The following RIN2 variants were observed in gnomAD, a reference collection of about 807,000 sequenced individuals.
The protein encoded by RIN2 is RAB5 interacting protein 2.
RIN2 carries 36 observed loss-of-function variants against 78.0 expected under a neutral mutation model. The ratio of observed to expected loss-of-function variants is 0.46; its 90% CI spans 0.35 to 0.61. The LOEUF (loss-of-function observed/expected upper bound fraction) is 0.61. RIN2 is among the 20% of genes least tolerant of loss of function. The pLI, the probability that RIN2 is intolerant of heterozygous loss-of-function variation, is 0.00. For synonymous variants in RIN2, 466 were observed against 466.8 expected, an observed-to-expected ratio of 1.00 and a Z score of 0.02; for missense variants, 1,087 against 1,159.7, an observed-to-expected ratio of 0.94 and a Z score of 0.91.
chr20:19,850,981 A>G (rs2036940293), intron 2 of RIN2, among the ~76,000 whole-genome samples: 1 of 145,336 alleles, frequency 6.9e-6, no homozygotes, highest in Non-Finnish European at 1.5e-5. Flanking sequence ...TCAAAAAAAG[A>G]AAGGGAGAAA....
chr20:19,911,299 C>A (rs981304815), intron 3 of RIN2, among the ~76,000 whole-genome samples: 1 of 151,376 alleles, frequency 6.6e-6, no homozygotes, highest in Non-Finnish European at 1.5e-5. Context: ...ATGATCTGTG[C>A]GCCTTGGCCT....
chr20:19,831,679 G>A (rs1413178366), intron 2 of RIN2, among the ~76,000 whole-genome samples: 3 of 152,168 alleles, frequency 2.0e-5, no homozygotes, highest in Admixed American at 6.5e-5. Flanking sequence ...TGAACCCATC[G>A]TTTATTTAGC....
chr20:19,806,813 G>T (rs2035423352), intron 2 of RIN2, among the ~76,000 whole-genome samples: 1 of 152,230 alleles, frequency 6.6e-6, no homozygotes, highest in African/African-American at 2.4e-5. Flanking sequence ...TGGGAGGATT[G>T]CTTGAGTCCA....
At chr20:19,942,118 A>AAAAAAG (rs61328325) in intron 4 of RIN2, among the ~76,000 whole-genome samples, 1 of 143,002 alleles carries the variant, frequency 7.0e-6, no homozygotes, top group Non-Finnish European at 1.5e-5. Flanking sequence ...TCAAAAAAAA[A>AAAAAAG]AAAAGAAAGA....
At chr20:19,841,446 A>G (rs2036573568) in intron 2 of RIN2, among the ~76,000 whole-genome samples, 1 of 152,134 alleles carries the variant, frequency 6.6e-6, no homozygotes, top group African/African-American at 2.4e-5. Context: ...AGCTTATGGA[A>G]TTAAAAAGGC....
At chr20:19,886,612 C>CTTT (rs11362637) in intron 2 of RIN2, 733 of 520,596 alleles carry the variant, frequency 1.4e-3, no homozygotes, top group South Asian at 3.3e-3. Context: ...TCTTCTTCTT[C>CTTT]TTTTTTTTTT....
intron 3 of RIN2, among the ~76,000 whole-genome samples, chr20:19,893,571 G>T (rs774426882): frequency 6.6e-6 from 1 of 152,158 alleles, no homozygotes; most frequent in South Asian, 2.1e-4. Context: ...GACTCAGATA[G>T]GCTGGAGGAC....
At chr20:19,800,948 T>C (rs2122710007) in intron 2 of RIN2, among the ~76,000 whole-genome samples, 1 of 152,332 alleles carries the variant, frequency 6.6e-6, no homozygotes, top group East Asian at 1.9e-4. Flanking sequence ...ATTTCAAGCT[T>C]GTGAGGTTCA....
intron 2 of RIN2, among the ~76,000 whole-genome samples, chr20:19,835,441 A>T (rs1027108606): frequency 2.0e-5 from 3 of 152,230 alleles, no homozygotes; most frequent in Admixed American, 2.0e-4. Flanking sequence ...AAAGTCTTCA[A>T]TAACAATCAT....
At chr20:19,810,354 G>A (rs924396810) in intron 2 of RIN2, among the ~76,000 whole-genome samples, 1 of 152,012 alleles carries the variant, frequency 6.6e-6, no homozygotes, top group African/African-American at 2.4e-5. Flanking sequence ...GTTGCAGTGA[G>A]CTGAGATTGT....
intron 4 of RIN2, among the ~76,000 whole-genome samples, chr20:19,942,942 T>G (rs1462602782): frequency 1.3e-5 from 2 of 152,236 alleles, no homozygotes; most frequent in African/African-American, 4.8e-5. Context: ...TATTGGCAAT[T>G]GGTTCTGCCA....
intron 6 of RIN2, among the ~76,000 whole-genome samples, 199 bp downstream of exon 6, chr20:19,961,010 T>A (rs1396719247): frequency 6.6e-6 from 1 of 152,194 alleles, no homozygotes; most frequent in African/African-American, 2.4e-5. Flanking sequence ...TCTGAGATGT[T>A]AATGAGTCAA....
At chr20:19,966,308 G>A (rs1381515478) in intron 7 of RIN2, among the ~76,000 whole-genome samples, 2 of 151,144 alleles carry the variant, frequency 1.3e-5, no homozygotes, top group African/African-American at 2.4e-5. Flanking sequence ...CTGCCAGAGG[G>A]CAGGAGGCAC....
intron 4 of RIN2, among the ~76,000 whole-genome samples, chr20:19,955,148 A>C (rs2041483310): frequency 6.6e-6 from 1 of 151,988 alleles, no homozygotes; most frequent in African/African-American, 2.4e-5. Flanking sequence ...CCACTGATCT[A>C]CTTTGTGTCT....
intron 9 of RIN2, among the ~76,000 whole-genome samples, chr20:19,977,938 A>T (rs1211878717): frequency 1.3e-5 from 2 of 152,178 alleles, no homozygotes; most frequent in African/African-American, 4.8e-5. Context: ...TTTTGAAAGT[A>T]TAGTGACAGT....
chr20:19,859,808 T>C (rs2037278686), intron 2 of RIN2, among the ~76,000 whole-genome samples: 1 of 152,196 alleles, frequency 6.6e-6, no homozygotes, highest in Admixed American at 6.5e-5. Flanking sequence ...CTTCCTCACC[T>C]GCGTTCTCTA....
chr20:19,814,309 G>T (rs2035695584), intron 2 of RIN2, among the ~76,000 whole-genome samples: 1 of 152,162 alleles, frequency 6.6e-6, no homozygotes, highest in Non-Finnish European at 1.5e-5. Context: ...CAGCTCCCTG[G>T]GGTGTTTGGA....
At chr20:19,892,863 C>A (rs1265100560) in intron 3 of RIN2, among the ~76,000 whole-genome samples, 1 of 152,050 alleles carries the variant, frequency 6.6e-6, no homozygotes, top group African/African-American at 2.4e-5. Flanking sequence ...GGATTGTCAC[C>A]CAGTGGCCAC....
chr20:19,802,684 T>C (rs1315900944), intron 2 of RIN2, among the ~76,000 whole-genome samples: 1 of 152,076 alleles, frequency 6.6e-6, no homozygotes, highest in African/African-American at 2.4e-5. Flanking sequence ...TGGTTAATTT[T>C]TAATACCAAC....
Sources: gnomAD v4.1 joint callset for allele counts (sites outside exome capture counted in the v4.1 genomes callset) on GRCh38, gnomAD v4.1.1 for gene constraint, MANE v1.5 for transcripts, NCBI Gene and HGNC (gene_info 2026-07-23, HGNC 2026-07-21) for gene names.